ZNF385C: variants seen among roughly 807,000 people sequenced by gnomAD.
ZNF385C encodes the protein CTD-2132N18.2.
A neutral mutation model predicts 35.4 loss-of-function variants in ZNF385C; 28 were observed. The observed-to-expected ratio is 0.79, with a 90% CI of 0.59 to 1.08. The LOEUF (loss-of-function observed/expected upper bound fraction) is 1.08, where lower values mean the gene tolerates loss of function less well. ZNF385C is among the 50% of genes least tolerant of loss of function. The probability of loss-of-function intolerance (pLI) is 0.00; values close to 1 mark genes in which losing one functional copy is unlikely to be tolerated. For missense variants in ZNF385C, 605 were observed against 595.6 expected, an observed-to-expected ratio of 1.02 and a Z score of -0.16; for synonymous variants, 248 against 248.2, an observed-to-expected ratio of 1.00 and a Z score of 0.01.
intron 1 of ZNF385C, among the ~76,000 whole-genome samples, chr17:42,097,299 T>C (rs2143968987): frequency 6.6e-6 from 1 of 152,218 alleles, no homozygotes; most frequent in East Asian, 1.9e-4. Context: ...CTCTTTCCAC[T>C]AGAGCACATG....
At chr17:42,079,679 A>C (rs962524558) in intron 1 of ZNF385C, among the ~76,000 whole-genome samples, 18 of 151,772 alleles carry the variant, frequency 1.2e-4, no homozygotes, top group Middle Eastern at 3.4e-3. Context: ...ATCACCCCCC[A>C]AAAAAAAGAA....
rs1286952329 is a variant in ZNF385C, at chr17:42,037,845, G to T, written c.291C>A (p.Ser97=). ...GCAGAGGCCGGGTGGGCAGGGGCAG[G>T]GAGGCCAGCAGGGGGCTGGGGGCGC... The part of the protein sequence containing the change: ...ASGAPSPLLA[S]LPLPTRPLQP... The change falls in exon 3 of 9, where the codon TCC becomes TCA. Residue 97 remains serine (S), a synonymous_variant. Coordinates refer to ENST00000692273, the MANE Select transcript of ZNF385C (RefSeq NM_001392013.1). 27 of 1,518,630 alleles carry T rather than the reference G, an allele frequency of 1.8e-5. No homozygotes were observed. The highest frequency in any genetic ancestry group is 7.4e-5 in the East Asian group (3 of 40,682). 94.1% of individuals were successfully genotyped at this position (1,518,630 alleles called of 1,614,324 possible).
chr17:42,037,816 G>T lies in ZNF385C; in HGVS notation c.320C>A (p.Pro107His). Residue 107 changes from proline (P) to histidine (H), a missense_variant, in exon 3 of 9, where the codon CCC becomes CAC. Pro to His is a moderately conservative substitution (Grantham distance 77, BLOSUM62 -2). Coordinates refer to ENST00000692273, the MANE Select transcript of ZNF385C (RefSeq NM_001392013.1). The part of the protein sequence containing the change: ...SLPLPTRPLQ[P>H]PLDFKHLLAF... ...GAGCAAGTGCTTGAAGTCCAGCGGGGGCTGCAGAGGCCGGGTGGGCAGGGG... is the reference window on the plus strand; with the variant it reads ...GAGCAAGTGCTTGAAGTCCAGCGGGTGCTGCAGAGGCCGGGTGGGCAGGGG... 1 of 1,522,800 alleles carries T rather than the reference G, an allele frequency of 6.6e-7. No homozygotes were observed. The highest frequency in any genetic ancestry group is 1.3e-5 in the South Asian group (1 of 79,026). 94.3% of individuals were successfully genotyped at this position (1,522,800 alleles called of 1,614,324 possible). A position where few individuals can be genotyped will look rare whatever the true frequency, so the allele number is the denominator to read the frequency against.
In ZNF385C at chr17:42,031,790, G is replaced by A; in HGVS notation, c.511-6C>T. 3 of 1,550,496 alleles carry A rather than the reference G, an allele frequency of 1.9e-6. No individual in the cohort carries two copies. Among genetic ancestry groups the A allele is most frequent in the Non-Finnish European group, 2.6e-6 (3 of 1,146,940 alleles). ...TAATGTGCCTCGGCCTGGTTCTGGGGAGGGGAGGGCAAGAGGTCACCATTC... is the reference window on the plus strand; with the variant it reads ...TAATGTGCCTCGGCCTGGTTCTGGGAAGGGGAGGGCAAGAGGTCACCATTC... On this transcript the variant is annotated splice_polypyrimidine_tract_variant and splice_region_variant and intron_variant, in intron 4 of 8. Transcript: ENST00000692273.
chr17:42,092,090 C>T (rs184997453), intron 1 of ZNF385C, among the ~76,000 whole-genome samples: 56 of 152,304 alleles, frequency 3.7e-4, no homozygotes, highest in Admixed American at 5.9e-4. Context: ...TCTGAGCTTT[C>T]ATCATCTACA....
intron 1 of ZNF385C, among the ~76,000 whole-genome samples, chr17:42,080,802 G>C (rs1555659667): frequency 6.6e-6 from 1 of 152,208 alleles, no homozygotes; most frequent in African/African-American, 2.4e-5. Context: ...TGCCCCCCAG[G>C]CCCACTGGTG....
intron 2 of ZNF385C, among the ~76,000 whole-genome samples, chr17:42,055,727 T>TG (rs2053364957): frequency 6.6e-6 from 1 of 150,864 alleles, no homozygotes; most frequent in Admixed American, 6.6e-5. Flanking sequence ...CTGCAGGGAG[T>TG]GGGGGTGAGA....
chr17:42,037,739 T>C lies in ZNF385C; in HGVS notation c.397A>G (p.Thr133Ala). The change falls in exon 3 of 9, where the codon ACG (threonine) becomes GCG (alanine). Residue 133 changes from threonine to alanine, a missense_variant and splice_region_variant. Physicochemically the swap from Thr to Ala is moderately conservative, Grantham distance 58. Transcript: ENST00000692273. Reference protein sequence around the residue: ...APLSLFPNFSTMDPVQKAVIS... With the variant: ...APLSLFPNFSAMDPVQKAVIS... Reference sequence around the variant, plus strand: ...CCACCCGCCAGCCCAGCCCATACCGTGCTGAAGTTGGGGAAGAGACTGAGC... The same window carrying C: ...CCACCCGCCAGCCCAGCCCATACCGCGCTGAAGTTGGGGAAGAGACTGAGC... The C allele has an allele frequency of 6.5e-7, 1 of 1,530,814 alleles. No homozygotes were observed. Among genetic ancestry groups the C allele is most frequent in the Admixed American group, 2.1e-5 (1 of 48,018 alleles). 94.8% of individuals were successfully genotyped at this position (1,530,814 alleles called of 1,614,324 possible). A position where few individuals can be genotyped will look rare whatever the true frequency, so the allele number is the denominator to read the frequency against.
At chr17:42,059,740 G>A (rs1223435471) in intron 2 of ZNF385C, among the ~76,000 whole-genome samples, 1 of 152,208 alleles carries the variant, frequency 6.6e-6, no homozygotes, top group African/African-American at 2.4e-5. Context: ...TTGTGACTCA[G>A]CCTCGCCAGT....
chr17:42,031,858 C>G, intron 4 of ZNF385C, 74 bp from the exon 5 acceptor site: 2 of 1,500,346 alleles, frequency 1.3e-6, no homozygotes, highest in Non-Finnish European at 1.8e-6. Flanking sequence ...TGGAGCCCAG[C>G]AGGGGGACAG....
intron 1 of ZNF385C, among the ~76,000 whole-genome samples, chr17:42,093,665 G>A (rs955663503): frequency 4.0e-5 from 6 of 149,162 alleles, no homozygotes; most frequent in Non-Finnish European, 7.4e-5. Context: ...ACTGCAACCT[G>A]TACCTCCCAG....
intron 2 of ZNF385C, among the ~76,000 whole-genome samples, chr17:42,045,294 G>A (rs62076908): frequency 0.021 from 3,220 of 152,070 alleles, 52 homozygotes; most frequent in Non-Finnish European, 0.032. Context: ...CTTGTGATCC[G>A]CCCGTCTCGG....
At chr17:42,056,701 T>C (rs2053381239) in intron 2 of ZNF385C, among the ~76,000 whole-genome samples, 1 of 152,170 alleles carries the variant, frequency 6.6e-6, no homozygotes, top group African/African-American at 2.4e-5. Flanking sequence ...ATGGGGGCAG[T>C]TTCCCCCATA....
At position 42,039,713 on chromosome 17, in the gene ZNF385C, G is replaced by C. The variant is rs565004790; in HGVS notation, c.251-1828C>G. 828 of 1,232,540 alleles carry C rather than the reference G, an allele frequency of 6.7e-4. 1 individual carries two copies. In the South Asian group the frequency reaches 7.5e-3, roughly 11 times the overall value. The allele number at this position is 1,232,540 out of a possible 1,614,324, so 76.4% of individuals were successfully genotyped here. On this transcript the variant is annotated intron_variant, in intron 2 of 8. Transcript: ENST00000692273. ...AGGGAAGGAGGCCACCCTCAGGTGA[G>C]CTGCGACCCCAGGAAGCCCTCTCCC...
chr17:42,040,595 G>A, intron 2 of ZNF385C: 3 of 1,232,496 alleles, frequency 2.4e-6, no homozygotes, highest in Non-Finnish European at 3.0e-6. Flanking sequence ...GGTGAGGCAA[G>A]GGCTGCAGCC....
chr17:42,066,561 CATGAAATGAGACTG>C (rs2053549064), intron 1 of ZNF385C, among the ~76,000 whole-genome samples: 1 of 152,102 alleles, frequency 6.6e-6, no homozygotes, highest in Non-Finnish European at 1.5e-5. Context: ...GTGCCCAGAC[CATGAAATGAGACTG>C]TCACTGAACA....
chr17:42,028,116 C>A lies in ZNF385C; in HGVS notation c.1098G>T (p.Gly366=), dbSNP rs1555654521. ...GAGCACAGTGGAAGGCAGGGCTGGGCCCCTGCCGGCCGCCCCGGCCCCCTG... is the reference window on the plus strand; with the variant it reads ...GAGCACAGTGGAAGGCAGGGCTGGGACCCTGCCGGCCGCCCCGGCCCCCTG... ...RVTGGRGGRQ[G]PSPAFHCALC... Residue 366 remains glycine (G), a synonymous_variant, in exon 7 of 9, where the codon GGG becomes GGT. Coordinates refer to ENST00000692273, the MANE Select transcript of ZNF385C (RefSeq NM_001392013.1). 4 of 1,613,146 alleles carry A rather than the reference C, an allele frequency of 2.5e-6. No homozygotes were observed. Among genetic ancestry groups the A allele is most frequent in the Middle Eastern group, 3.3e-4 (2 of 6,050 alleles).
chr17:42,046,468 T>C (rs2053163232), intron 2 of ZNF385C, among the ~76,000 whole-genome samples: 2 of 151,864 alleles, frequency 1.3e-5, no homozygotes, highest in Non-Finnish European at 2.9e-5. Flanking sequence ...GGCATGGTGG[T>C]GTATGCCTGT....
chr17:42,041,245 G>A, intron 2 of ZNF385C: 1 of 1,224,902 alleles, frequency 8.2e-7, no homozygotes, highest in Non-Finnish European at 1.0e-6. Context: ...TGTCCTGAGA[G>A]GCGGAGGCAG....
Sources: allele counts gnomAD v4.1 joint callset (sites outside exome capture counted in the v4.1 genomes callset), GRCh38; gene constraint gnomAD v4.1.1; transcripts MANE v1.5; gene names NCBI Gene and HGNC (gene_info 2026-07-23, HGNC 2026-07-21).